Variants in MEMO1 observed in about 807,000 individuals in gnomAD.
MEMO1 encodes mediator of cell motility 1.
MEMO1 carries 6 observed loss-of-function variants against 45.2 expected under a neutral mutation model. That is an observed-to-expected ratio of 0.13 (90% CI 0.07 to 0.26). The LOEUF (loss-of-function observed/expected upper bound fraction) is 0.26, where lower values mean the gene tolerates loss of function less well. MEMO1 is among the 10% of genes least tolerant of loss of function. MEMO1 has a pLI of 1.00. For missense variants in MEMO1, 184 were observed against 370.5 expected (o/e 0.50, Z 4.13); for synonymous variants, 78 against 124.3 (o/e 0.63, Z 2.48).
At chr2:31,932,021 T>C in intron 4 of MEMO1, 46 bp downstream of exon 4, 1 of 1,530,092 alleles carries the variant, frequency 6.5e-7, no homozygotes, top group South Asian at 1.2e-5. Flanking sequence ...AACAAAGCAA[T>C]AAATTCTCAA....
At chr2:31,875,278 G>A (rs1399274639) in intron 8 of MEMO1, among the ~76,000 whole-genome samples, 1 of 152,042 alleles carries the variant, frequency 6.6e-6, no homozygotes, top group East Asian at 1.9e-4. Flanking sequence ...TCTAAAGTAA[G>A]GTAAATCAGA....
At chr2:31,916,131 AAT>A (rs1251326958) in intron 6 of MEMO1, among the ~76,000 whole-genome samples, 3 of 152,210 alleles carry the variant, frequency 2.0e-5, no homozygotes, top group African/African-American at 7.2e-5. Context: ...AATGTTCCAC[AAT>A]ATACATGTTT....
chr2:31,930,398 C>T (rs1226712719), intron 4 of MEMO1, among the ~76,000 whole-genome samples: 1 of 152,132 alleles, frequency 6.6e-6, no homozygotes, highest in Non-Finnish European at 1.5e-5. Context: ...TTTCCTTTTG[C>T]CTTCTTTCTC....
At chr2:31,941,016 A>G (rs1168584411) in intron 3 of MEMO1, among the ~76,000 whole-genome samples, 1 of 152,208 alleles carries the variant, frequency 6.6e-6, no homozygotes, top group Non-Finnish European at 1.5e-5. Flanking sequence ...CCCACATAAT[A>G]TAATATCCAT....
intron 2 of MEMO1, among the ~76,000 whole-genome samples, chr2:32,000,874 C>T (rs1043249938): frequency 2.1e-4 from 32 of 151,844 alleles, no homozygotes; most frequent in Non-Finnish European, 4.1e-4. Flanking sequence ...CATCTGTCCC[C>T]GCAATTAAAA....
intron 2 of MEMO1, among the ~76,000 whole-genome samples, chr2:31,946,127 T>C (rs536200860): frequency 2.4e-4 from 36 of 152,342 alleles, no homozygotes; most frequent in African/African-American, 8.4e-4. Context: ...TTTAATTGCA[T>C]TTCATCATTG....
Position 32,000,638 on chromosome 2 carries a change from T to C in MEMO1, c.61+9549A>G, listed in dbSNP as rs567048778. On this transcript the variant is annotated intron_variant, in intron 2 of 9. Transcript: ENST00000404530. ...TCCTCGGCCTCCCAAAGTGCAGGGA[T>C]TACAAGCGTGAGCCACCGCACCTGG... Among the ~76,000 whole-genome samples the C allele has an allele frequency of 5.3e-5, 8 of 152,272 alleles. No homozygotes were observed. In the South Asian group the frequency reaches 1.5e-3, roughly 28 times the overall value.
intron 2 of MEMO1, among the ~76,000 whole-genome samples, chr2:32,004,015 C>G (rs551062794): frequency 5.3e-5 from 8 of 151,988 alleles, no homozygotes; most frequent in Non-Finnish European, 1.0e-4. Context: ...GAGACACCAT[C>G]TCTACAAAAA....
chr2:31,875,020 T>C (rs909763821), intron 8 of MEMO1, among the ~76,000 whole-genome samples: 1 of 151,960 alleles, frequency 6.6e-6, no homozygotes, highest in African/African-American at 2.4e-5. Context: ...ACTCCCAGAA[T>C]TGACTTATAA....
intron 6 of MEMO1, among the ~76,000 whole-genome samples, chr2:31,912,086 C>A (rs1192663986): frequency 1.3e-5 from 2 of 152,128 alleles, no homozygotes; most frequent in Non-Finnish European, 2.9e-5. Context: ...ATAACCCTAG[C>A]ACTTTGGGAG....
chr2:31,938,989 T>G (rs1665285966), intron 3 of MEMO1, among the ~76,000 whole-genome samples: 1 of 151,872 alleles, frequency 6.6e-6, no homozygotes, highest in African/African-American at 2.4e-5. Context: ...TTCGCCATGT[T>G]GCACAGGCTA....
intron 6 of MEMO1, among the ~76,000 whole-genome samples, chr2:31,906,385 G>C (rs887539383): frequency 6.6e-6 from 1 of 151,752 alleles, no homozygotes. Flanking sequence ...GTGCAATGGC[G>C]CAATCTTGGC....
intron 7 of MEMO1, among the ~76,000 whole-genome samples, chr2:31,885,327 C>T (rs994716883): frequency 6.6e-6 from 1 of 152,064 alleles, no homozygotes; most frequent in African/African-American, 2.4e-5. Flanking sequence ...ACCATGTTGG[C>T]CAGGCTGGTC....
intron 2 of MEMO1, among the ~76,000 whole-genome samples, chr2:32,007,748 C>A (rs1017331313): frequency 2.0e-5 from 3 of 152,128 alleles, no homozygotes; most frequent in Admixed American, 1.3e-4. Context: ...CAATACAAGT[C>A]CAATTTTTCC....
Position 31,918,903 on chromosome 2 carries a change from A to G in MEMO1, c.326-866T>C, listed in dbSNP as rs550857431. On this transcript the variant is annotated intron_variant, in intron 5 of 9. Transcript: ENST00000404530. ...TTTCTTCACTGGCAAGCTACCCAAA[A>G]TTAAAATTTTCTGAATGCCCCAACA... Among the ~76,000 whole-genome samples, 350 of 152,176 alleles carry G rather than the reference A, an allele frequency of 2.3e-3. 1 individual carries two copies. Among genetic ancestry groups the G allele is most frequent in the South Asian group, 5.6e-3 (27 of 4,830 alleles).
chr2:31,950,686 AC>A (rs1666746498), intron 2 of MEMO1, among the ~76,000 whole-genome samples: 5 of 151,364 alleles, frequency 3.3e-5, no homozygotes, highest in African/African-American at 9.7e-5. Flanking sequence ...ACGACACTGT[AC>A]TCCAGCCTGG....
At chr2:31,976,957 G>A (rs1419230553) in intron 2 of MEMO1, among the ~76,000 whole-genome samples, 1 of 151,974 alleles carries the variant, frequency 6.6e-6, no homozygotes, top group Non-Finnish European at 1.5e-5. Flanking sequence ...AAAAGCACCA[G>A]CAACAGCCGT....
intron 2 of MEMO1, among the ~76,000 whole-genome samples, chr2:32,007,124 T>C (rs769782821): frequency 5.9e-5 from 9 of 152,194 alleles, no homozygotes; most frequent in Non-Finnish European, 1.2e-4. Context: ...CTAGCATTCA[T>C]AGGCATCTGT....
At chr2:31,899,732 T>C (rs751598324) in intron 6 of MEMO1, among the ~76,000 whole-genome samples, 1 of 152,102 alleles carries the variant, frequency 6.6e-6, no homozygotes, top group Non-Finnish European at 1.5e-5. Context: ...GAAACTACCA[T>C]CAGAGTGAAC....
Sources: gnomAD v4.1 joint callset for allele counts (sites outside exome capture counted in the v4.1 genomes callset) on GRCh38, gnomAD v4.1.1 for gene constraint, MANE v1.5 for transcripts, NCBI Gene and HGNC (gene_info 2026-07-23, HGNC 2026-07-21) for gene names.